Variants in DHODH observed in about 807,000 individuals in gnomAD.
DHODH encodes the protein dihydroorotate dehydrogenase (quinone), also known as dihydroorotate dehydrogenase (quinone), mitochondrial.
In DHODH, 30 loss-of-function variants were observed where a neutral mutation model predicts 39.7. The ratio of observed to expected loss-of-function variants is 0.76; its 90% confidence interval spans 0.57 to 1.02. The LOEUF (loss-of-function observed/expected upper bound fraction) is 1.02, where lower values mean the gene tolerates loss of function less well. DHODH is among the 50% of genes least tolerant of loss of function. The probability of loss-of-function intolerance (pLI) is 0.00; values close to 1 mark genes in which losing one functional copy is unlikely to be tolerated. For missense variants in DHODH, 531 were observed against 520.8 expected (o/e 1.02, Z -0.19); for synonymous variants, 222 against 213.8 (o/e 1.04, Z -0.34).
Position 72,012,193 on chromosome 16 carries a change from CAGA to C in DHODH, c.166_168del (p.Arg56del). The C allele has an allele frequency of 6.2e-7, 1 of 1,614,146 alleles. No homozygotes were observed. Among genetic ancestry groups the C allele is most frequent in the South Asian group, 1.1e-5 (1 of 91,076 alleles). ...GGCTGCTGGACCCGGAGTCAGCCCA[CAGA>C]CTGGCTGTTCGCTTCACCTCCCTGG... On this transcript the variant is annotated inframe_deletion, in exon 2 of 9. Transcript: ENST00000219240.
chr16:72,026,704 A>C lies in DHODH; in HGVS notation c.*2505A>C, dbSNP rs2041278803. The C allele has an allele frequency of 6.6e-6, 1 of 151,952 alleles. No homozygotes were observed. The highest frequency in any genetic ancestry group is 6.6e-5 in the Admixed American group (1 of 15,244). The allele number at this position is 151,952 out of a possible 1,614,324, so 9.4% of individuals were successfully genotyped here. On this transcript the variant is annotated 3_prime_UTR_variant, in exon 9 of 9. Transcript: ENST00000219240. ...CGAGAGACTGACATTCTGTCTCAGC[A>C]CAGCTGGAAGAGGCTGCTTGAGCAC...
intron 7 of DHODH, 77 bp from the exon 8 acceptor site, chr16:72,023,397 A>T: frequency 6.2e-7 from 1 of 1,613,618 alleles, no homozygotes; most frequent in South Asian, 1.1e-5. Context: ...ATCATTCCCT[A>T]ATCTGTCTTG....
Position 72,017,112 on chromosome 16 carries a change from G to A in DHODH, c.517+6G>A. The A allele has an allele frequency of 6.2e-7, 1 of 1,613,906 alleles. No individual in the cohort carries two copies. The highest frequency in any genetic ancestry group is 1.1e-5 in the South Asian group (1 of 91,082). On this transcript the variant is annotated splice_donor_region_variant and intron_variant, in intron 4 of 8. Transcript: ENST00000219240. ...GCAGGCCAAGCTCACAGAAGGTAAA[G>A]TGGGGTTGTGTCAGTGGGCCTTTCT... is the stretch of plus-strand genomic sequence containing the variant.
In DHODH at chr16:72,025,079, T is replaced by A. The variant is rs1260896003; in HGVS notation, c.*880T>A. Reference sequence around the variant, plus strand: ...TTATTGCTGAGTCATTGGTGCCTTATTCTTCAGTGTTTCAGTCTGTATCTC... The same window carrying A: ...TTATTGCTGAGTCATTGGTGCCTTAATCTTCAGTGTTTCAGTCTGTATCTC... On this transcript the variant is annotated 3_prime_UTR_variant, in exon 9 of 9. Coordinates refer to ENST00000219240, the MANE Select transcript of DHODH (RefSeq NM_001361.5). The A allele has an allele frequency of 1.3e-5, 2 of 152,274 alleles. No homozygotes were observed. The highest frequency in any genetic ancestry group is 2.9e-5 in the Non-Finnish European group (2 of 68,044). The allele number at this position is 152,274 out of a possible 1,614,324, so 9.4% of individuals were successfully genotyped here.
At chr16:72,013,208 CCT>C (rs66927897) in intron 2 of DHODH, among the ~76,000 whole-genome samples, 6,316 of 152,178 alleles carry the variant, frequency 0.042, 394 homozygotes, top group African/African-American at 0.14. Flanking sequence ...TGTCATTTCC[CCT>C]GACTGGCCAT....
intron 3 of DHODH, chr16:72,016,593 A>T: frequency 3.2e-6 from 1 of 314,710 alleles, no homozygotes; most frequent in South Asian, 2.9e-5. Context: ...AGCTCTGTGC[A>T]GGAGGAGAGG....
chr16:72,012,068 GT>G lies in DHODH; in HGVS notation c.41del (p.Val14GlyfsTer15). The G allele has an allele frequency of 1.2e-6, 2 of 1,614,130 alleles. No homozygotes were observed. The highest frequency in any genetic ancestry group is 1.7e-6 in the Non-Finnish European group (2 of 1,179,976). ...TTTGCAGAAGCGGGCCCAGGATGCTGTGATCATCCTGGGGGGAGGAGGACTT... is the reference window on the plus strand; with the variant it reads ...TTTGCAGAAGCGGGCCCAGGATGCTGGATCATCCTGGGGGGAGGAGGACTT... ...RHLKKRAQDA[V>X]IILGGGGLLF... On this transcript the variant is annotated frameshift_variant, in exon 2 of 9. Coordinates refer to ENST00000219240, the MANE Select transcript of DHODH (RefSeq NM_001361.5). LOFTEE classifies it high-confidence loss of function.
rs1450449498 is a variant in DHODH at position 72,023,647 on chromosome 16, T to C, written c.1133+14T>C. ...GGCCCTTCTGAAGTGAGTGAGGTCA[T>C]GTGTGGCTTGAAACAGAAGTTAGGC... On this transcript the variant is annotated intron_variant, in intron 8 of 8. Coordinates refer to ENST00000219240, the MANE Select transcript of DHODH (RefSeq NM_001361.5). 4 of 1,613,082 alleles carry C rather than the reference T, an allele frequency of 2.5e-6. No individual in the cohort carries two copies. Among genetic ancestry groups the C allele is most frequent in the Non-Finnish European group, 3.4e-6 (4 of 1,180,020 alleles).
chr16:72,011,973 G>C, intron 1 of DHODH, 77 bp from the exon 2 acceptor site: 1 of 1,194,660 alleles, frequency 8.4e-7, no homozygotes, highest in African/African-American at 1.5e-5. Flanking sequence ...TGCCCTCTGT[G>C]TACCTGGGTG....
chr16:72,014,533 A>G lies in DHODH; in HGVS notation c.295A>G (p.Lys99Glu). 1 of 1,614,182 alleles carries G rather than the reference A, an allele frequency of 6.2e-7. No individual in the cohort carries two copies. The highest frequency in any genetic ancestry group is 2.2e-5 in the East Asian group (1 of 44,882). The change falls in exon 3 of 9, where the codon AAG (lysine) becomes GAG (glutamate). Residue 99 changes from lysine to glutamate, a missense_variant. Transcript: ENST00000219240. ...NPVGIAAGFDKHGEAVDGLYK... is the reference protein window; with the variant it reads ...NPVGIAAGFDEHGEAVDGLYK... ...AGTAGGAATTGCTGCAGGATTTGAC[A>G]AGCATGGGGAAGCCGTGGACGGACT...
At chr16:72,024,049 C>G in intron 8 of DHODH, 96 bp from the exon 9 acceptor site, 2 of 1,276,434 alleles carry the variant, frequency 1.6e-6, no homozygotes, top group Non-Finnish European at 2.3e-6. Flanking sequence ...GTGCCTGGGC[C>G]GGGATGATGC....
intron 4 of DHODH, among the ~76,000 whole-genome samples, chr16:72,018,481 T>C (rs775492460): frequency 4.6e-5 from 7 of 152,220 alleles, no homozygotes; most frequent in Non-Finnish European, 1.0e-4. Flanking sequence ...TTGGAGGTCA[T>C]CACAGGACTT....
rs765958693 is a variant in DHODH, at chr16:72,021,068, G to A, written c.518-56G>A. 5.6e-4 allele frequency: 859 copies of A among 1,529,466 alleles called. 1 individual carries two copies. The highest frequency in any genetic ancestry group is 7.4e-4 in the Non-Finnish European group (837 of 1,127,406). 94.7% of individuals were successfully genotyped at this position (1,529,466 alleles called of 1,614,324 possible). ...GGTGGTTTGGTCAAGGGCAGCCTCAGAAGGTGGCACAGGAAAGGGTGTGCG... is the reference window on the plus strand; with the variant it reads ...GGTGGTTTGGTCAAGGGCAGCCTCAAAAGGTGGCACAGGAAAGGGTGTGCG... On this transcript the variant is annotated intron_variant, in intron 4 of 8. Coordinates refer to ENST00000219240, the MANE Select transcript of DHODH (RefSeq NM_001361.5).
At position 72,012,219 on chromosome 16, in the gene DHODH, T is replaced by A; in HGVS notation, c.191T>A (p.Leu64Gln). Residue 64 changes from leucine to glutamine, a missense_variant, in exon 2 of 9, where the codon CTG (leucine) becomes CAG (glutamine). Leu to Gln is a moderately radical substitution (Grantham distance 113). Coordinates refer to ENST00000219240, the MANE Select transcript of DHODH (RefSeq NM_001361.5). ...AHRLAVRFTS[L>Q]GLLPRARFQD... ...AGACTGGCTGTTCGCTTCACCTCCC[T>A]GGGGCTCCTTCCACGGGCCAGATTT... 1 of 1,614,132 alleles carries A rather than the reference T, an allele frequency of 6.2e-7. No individual in the cohort carries two copies. The highest frequency in any genetic ancestry group is 1.1e-5 in the South Asian group (1 of 91,078).
chr16:72,015,361 G>C (rs2041131201), intron 3 of DHODH, among the ~76,000 whole-genome samples: 1 of 152,210 alleles, frequency 6.6e-6, no homozygotes, highest in Admixed American at 6.5e-5. Context: ...TTAGCAAACA[G>C]GGAAATGTAA....
chr16:72,021,511 A>G (rs1159679746), intron 5 of DHODH, among the ~76,000 whole-genome samples, 200 bp downstream of exon 5: 1 of 152,162 alleles, frequency 6.6e-6, no homozygotes, highest in African/African-American at 2.4e-5. Flanking sequence ...GTGACAAATT[A>G]TCTGTCCCTG....
rs1347734121 is a variant in DHODH, at chr16:72,024,513, C to G, written c.*314C>G. 1 of 433,248 alleles carries G rather than the reference C, an allele frequency of 2.3e-6. No individual in the cohort carries two copies. The highest frequency in any genetic ancestry group is 4.3e-6 in the Non-Finnish European group (1 of 232,452). 26.8% of individuals were successfully genotyped at this position (433,248 alleles called of 1,614,324 possible). A position where few individuals can be genotyped will look rare whatever the true frequency, so the allele number is the denominator to read the frequency against. ...AAGCCATTTAGAACCTGGGTTTCAA[C>G]GCTAGCCCTTTCTGGTTTGCCATAG... On this transcript the variant is annotated 3_prime_UTR_variant, in exon 9 of 9. Coordinates refer to ENST00000219240, the MANE Select transcript of DHODH (RefSeq NM_001361.5).
At chr16:72,022,962 G>A (rs1020715386) in intron 6 of DHODH, among the ~76,000 whole-genome samples, 3 of 152,232 alleles carry the variant, frequency 2.0e-5, no homozygotes, top group African/African-American at 4.8e-5. Context: ...TGGGTGGTCA[G>A]CGTGTGATGG....
intron 3 of DHODH, 21 bp from the exon 4 acceptor site, chr16:72,017,003 C>T (rs2041148755): frequency 6.2e-7 from 1 of 1,612,640 alleles, no homozygotes; most frequent in Admixed American, 1.7e-5. Flanking sequence ...TCTGCCCCTC[C>T]CGTGTGCTTG....
Sources: gnomAD v4.1 joint callset for allele counts (sites outside exome capture counted in the v4.1 genomes callset) on GRCh38, gnomAD v4.1.1 for gene constraint, MANE v1.5 for transcripts, NCBI Gene and HGNC (gene_info 2026-07-23, HGNC 2026-07-21) for gene names.